Variants in GRHL2 observed in about 807,000 individuals in gnomAD.
The protein encoded by GRHL2 is grainyhead like transcription factor 2.
In GRHL2, 21 loss-of-function variants were observed where a neutral mutation model predicts 83.8. The ratio of observed to expected loss-of-function variants is 0.25; its 90% CI spans 0.18 to 0.36. The LOEUF (loss-of-function observed/expected upper bound fraction) is 0.36, where lower values mean the gene tolerates loss of function less well. Ranked by LOEUF, GRHL2 falls within the 10% of genes least tolerant of loss-of-function variation. The pLI is 1.00. For missense variants in GRHL2, 623 were observed against 781.8 expected, an observed-to-expected ratio of 0.80 and a Z score of 2.42; for synonymous variants, 280 against 278.9, an observed-to-expected ratio of 1.00 and a Z score of -0.04.
chr8:101,493,312 GGT>G (rs1810007076), intron 1 of GRHL2, among the ~76,000 whole-genome samples: 1 of 152,186 alleles, frequency 6.6e-6, no homozygotes, highest in South Asian at 2.1e-4. Context: ...CGGGCAGGAG[GGT>G]GGGCGTGAGT....
At chr8:101,497,008 T>C (rs1332711831) in intron 1 of GRHL2, among the ~76,000 whole-genome samples, 2 of 152,214 alleles carry the variant, frequency 1.3e-5, no homozygotes, top group African/African-American at 4.8e-5. Flanking sequence ...TTCTTGTAAG[T>C]GGTCTTGGTA....
intron 3 of GRHL2, among the ~76,000 whole-genome samples, chr8:101,555,176 T>C (rs1811466142): frequency 6.6e-6 from 1 of 152,258 alleles, no homozygotes; most frequent in South Asian, 2.1e-4. Flanking sequence ...TTAAATATTT[T>C]GGCAAAGCCA....
Position 101,507,814 on chromosome 8 carries a change from G to A in GRHL2, c.20+15025G>A, listed in dbSNP as rs146172240. ...TTTTTTTAGACAAGAGTCTTACTCTGTCACTCAGGCTGGAGTGCAGTGGTG... is the reference window on the plus strand; with the variant it reads ...TTTTTTTAGACAAGAGTCTTACTCTATCACTCAGGCTGGAGTGCAGTGGTG... On this transcript the variant is annotated intron_variant, in intron 1 of 15. Transcript: ENST00000646743. Among the ~76,000 whole-genome samples, 117 of 109,752 alleles carry A rather than the reference G, an allele frequency of 1.1e-3. 3 individuals are homozygous for A. In the East Asian group the frequency reaches 0.032, roughly 30 times the overall value. The allele number at this position is 109,752 out of a possible 152,430, so 72.0% of individuals were successfully genotyped here. A position where few individuals can be genotyped will look rare whatever the true frequency, so the allele number is the denominator to read the frequency against.
chr8:101,559,987 T>C (rs957419644), intron 4 of GRHL2, among the ~76,000 whole-genome samples: 1 of 152,102 alleles, frequency 6.6e-6, no homozygotes, highest in East Asian at 1.9e-4. Flanking sequence ...TTGAGACTCA[T>C]TTATGTTCTT....
chr8:101,522,240 G>A (rs1488198572), intron 1 of GRHL2, among the ~76,000 whole-genome samples: 1 of 151,738 alleles, frequency 6.6e-6, no homozygotes, highest in Non-Finnish European at 1.5e-5. Flanking sequence ...AAAACTGTGG[G>A]TCTAACCAGC....
chr8:101,553,582 G>A (rs1284959109), intron 3 of GRHL2, among the ~76,000 whole-genome samples: 3 of 150,394 alleles, frequency 2.0e-5, no homozygotes, highest in Non-Finnish European at 4.4e-5. Flanking sequence ...AGAAGGGACC[G>A]AATCACCCTG....
chr8:101,512,296 AT>A (rs1345185279), intron 1 of GRHL2, among the ~76,000 whole-genome samples: 5 of 152,152 alleles, frequency 3.3e-5, no homozygotes, highest in African/African-American at 7.2e-5. Context: ...ATGCATTCCT[AT>A]AAAAACAAAT....
At chr8:101,598,833 T>C in intron 7 of GRHL2, among the ~76,000 whole-genome samples, 1 of 152,148 alleles carries the variant, frequency 6.6e-6, no homozygotes. Flanking sequence ...CTAAGAACAT[T>C]GGTTTGCTTA....
chr8:101,524,376 A>G (rs1388146997), intron 1 of GRHL2, among the ~76,000 whole-genome samples: 1 of 152,050 alleles, frequency 6.6e-6, no homozygotes, highest in Non-Finnish European at 1.5e-5. Context: ...CCATCTTTCT[A>G]AGTTCTTCAG....
intron 1 of GRHL2, among the ~76,000 whole-genome samples, chr8:101,537,300 G>C (rs1003439703): frequency 1.3e-5 from 2 of 152,302 alleles, no homozygotes; most frequent in African/African-American, 4.8e-5. Flanking sequence ...GAACAATGAT[G>C]TAGAGAAATA....
chr8:101,533,527 G>A (rs191505923), intron 1 of GRHL2, among the ~76,000 whole-genome samples: 17 of 152,266 alleles, frequency 1.1e-4, no homozygotes, highest in East Asian at 1.9e-4. Context: ...AGGTTCTAGC[G>A]GAGGTAGACA....
chr8:101,573,495 G>A (rs1811868074), intron 5 of GRHL2, among the ~76,000 whole-genome samples, 173 bp from the exon 6 acceptor site: 1 of 152,176 alleles, frequency 6.6e-6, no homozygotes, highest in Non-Finnish European at 1.5e-5. Context: ...TGTATACATT[G>A]TACTAGCAAT....
intron 2 of GRHL2, chr8:101,543,756 A>AT (rs1586078694): frequency 2.8e-6 from 1 of 358,332 alleles, no homozygotes; most frequent in East Asian, 6.7e-5. Flanking sequence ...TAGGATTATT[A>AT]TTTTTGCTGA....
chr8:101,496,820 G>A, intron 1 of GRHL2, among the ~76,000 whole-genome samples: 1 of 152,162 alleles, frequency 6.6e-6, no homozygotes, highest in East Asian at 1.9e-4. Flanking sequence ...TTACAGGCAG[G>A]TGGAAGAGCA....
intron 4 of GRHL2, among the ~76,000 whole-genome samples, chr8:101,564,264 T>C (rs1811667737): frequency 6.6e-6 from 1 of 152,254 alleles, no homozygotes; most frequent in Admixed American, 6.5e-5. Context: ...CAACTAGTTA[T>C]AAGATTAAGT....
intron 1 of GRHL2, among the ~76,000 whole-genome samples, chr8:101,502,669 A>G (rs1005905437): frequency 1.1e-4 from 16 of 152,032 alleles, no homozygotes; most frequent in Non-Finnish European, 1.8e-4. Flanking sequence ...TATAAGAATG[A>G]ATGGAACATT....
chr8:101,530,726 A>G (rs1810906206), intron 1 of GRHL2, among the ~76,000 whole-genome samples: 1 of 152,174 alleles, frequency 6.6e-6, no homozygotes, highest in African/African-American at 2.4e-5. Flanking sequence ...GGAATTCTAC[A>G]AATAATGTAA....
chr8:101,543,656 A>AT, intron 2 of GRHL2: 2 of 576,236 alleles, frequency 3.5e-6, no homozygotes, highest in South Asian at 2.0e-5. Context: ...TTGGGATAAT[A>AT]TTTTTTGTGT....
intron 1 of GRHL2, among the ~76,000 whole-genome samples, chr8:101,522,740 T>TATACATATACATATACATATACATATAC (rs1466161029): frequency 7.7e-6 from 1 of 130,248 alleles, no homozygotes; most frequent in African/African-American, 3.2e-5. Context: ...TACATATACA[T>TATACATATACATATACATATACATATAC]ATATATATAT....
Sources: gnomAD v4.1 joint callset for allele counts (sites outside exome capture counted in the v4.1 genomes callset) on GRCh38, gnomAD v4.1.1 for gene constraint, MANE v1.5 for transcripts, NCBI Gene and HGNC (gene_info 2026-07-23, HGNC 2026-07-21) for gene names.